Variants in SYNE1 observed in about 807,000 individuals in gnomAD.
SYNE1 encodes the protein spectrin repeat containing nuclear envelope protein 1.
In SYNE1, 616 loss-of-function variants were observed where a neutral mutation model predicts 1,111.0. That is an observed-to-expected ratio of 0.55 (90% CI 0.52 to 0.59). SYNE1 has a LOEUF of 0.59. SYNE1 is among the 20% of genes least tolerant of loss of function. SYNE1 has a pLI of 0.00. For synonymous variants in SYNE1, 3,855 were observed against 3,825.8 expected, an observed-to-expected ratio of 1.01 and a Z score of -0.28; for missense variants, 10,006 against 10,417.0, an observed-to-expected ratio of 0.96 and a Z score of 1.72.
chr6:152,235,422 C>T (rs962951055), intron 110 of SYNE1, among the ~76,000 whole-genome samples: 1 of 152,130 alleles, frequency 6.6e-6, no homozygotes, highest in Non-Finnish European at 1.5e-5. Context: ...AGTGCAATGG[C>T]GCAATCTTGG....
chr6:152,225,572 AAAGAG>A, intron 116 of SYNE1, 144 bp downstream of exon 116: 1 of 937,106 alleles, frequency 1.1e-6, no homozygotes, highest in Non-Finnish European at 1.6e-6. Flanking sequence ...TAAAAAAAAA[AAAGAG>A]GATAACGAAG....
intron 59 of SYNE1, 139 bp from the exon 60 acceptor site, chr6:152,369,753 T>A (rs2097145765): frequency 2.0e-6 from 2 of 978,044 alleles, no homozygotes; most frequent in African/African-American, 1.6e-5. Context: ...GTGGCCGAGG[T>A]GAGCAGATAG....
rs531299794 is a variant in SYNE1 at position 152,340,852 on chromosome 6, G to A, written c.12226-1486C>T. On this transcript the variant is annotated intron_variant, in intron 74 of 145. Coordinates refer to ENST00000367255, the MANE Select transcript of SYNE1 (RefSeq NM_182961.4). ...AGGCAGCTATGGTGTCCAGGTGTTAGGCTACTGCAGGGATCAGATGAACCA... is the reference window on the plus strand; with the variant it reads ...AGGCAGCTATGGTGTCCAGGTGTTAAGCTACTGCAGGGATCAGATGAACCA... Among the ~76,000 whole-genome samples, 3 of 152,314 alleles carry A rather than the reference G, an allele frequency of 2.0e-5. No individual in the cohort carries two copies. In the South Asian group the frequency reaches 6.2e-4, roughly 32 times the overall value.
At chr6:152,180,111 A>G (rs1390754942) in intron 129 of SYNE1, 25 bp downstream of exon 129, 2 of 1,613,524 alleles carry the variant, frequency 1.2e-6, no homozygotes, top group Admixed American at 3.3e-5. Flanking sequence ...AAGAATGAAA[A>G]CCTAAGTAGC....
intron 3 of SYNE1, among the ~76,000 whole-genome samples, chr6:152,625,057 T>C (rs1461541573): frequency 6.6e-6 from 1 of 152,166 alleles, no homozygotes; most frequent in Non-Finnish European, 1.5e-5. Context: ...GAAAAAGGAT[T>C]CTAGGAGAAT....
At chr6:152,465,007 T>A in intron 18 of SYNE1, 1 of 523,116 alleles carries the variant, frequency 1.9e-6, no homozygotes, top group Non-Finnish European at 3.5e-6. Context: ...CTCCCCTTCA[T>A]AGACAGACTT....
At chr6:152,449,125 A>G (rs2154248034) in intron 28 of SYNE1, among the ~76,000 whole-genome samples, 1 of 152,328 alleles carries the variant, frequency 6.6e-6, no homozygotes, top group East Asian at 1.9e-4. Flanking sequence ...TGTCACATAG[A>G]AAGGATGCCT....
chr6:152,462,639 G>A, intron 20 of SYNE1, 99 bp downstream of exon 20: 1 of 1,432,974 alleles, frequency 7.0e-7, no homozygotes, highest in Non-Finnish European at 9.8e-7. Flanking sequence ...ATGATGCCCA[G>A]GAGACACAGA....
intron 99 of SYNE1, among the ~76,000 whole-genome samples, chr6:152,268,576 T>C (rs1305926303): frequency 2.0e-5 from 3 of 152,202 alleles, no homozygotes; most frequent in Non-Finnish European, 4.4e-5. Context: ...AGATTTGGCT[T>C]TAATTCTTCA....
intron 20 of SYNE1, among the ~76,000 whole-genome samples, 153 bp from the exon 21 acceptor site, chr6:152,461,893 A>G (rs2098736267): frequency 6.6e-6 from 1 of 152,130 alleles, no homozygotes; most frequent in Admixed American, 6.5e-5. Context: ...GCTTCCCTTC[A>G]TTACTAATAA....
intron 3 of SYNE1, among the ~76,000 whole-genome samples, chr6:152,555,364 G>C (rs1486987344): frequency 6.6e-6 from 1 of 152,016 alleles, no homozygotes; most frequent in Non-Finnish European, 1.5e-5. Context: ...GATATGTTTA[G>C]ACACACAAAT....
At chr6:152,377,671 A>ATCTC (rs1554582494) in intron 56 of SYNE1, among the ~76,000 whole-genome samples, 1 of 130,574 alleles carries the variant, frequency 7.7e-6, no homozygotes, top group African/African-American at 2.9e-5. Context: ...ATATATATAT[A>ATCTC]TCTCCAAAAT....
At chr6:152,135,263 T>C in intron 141 of SYNE1, 31 bp from the exon 142 acceptor site, 1 of 1,605,740 alleles carries the variant, frequency 6.2e-7, no homozygotes, top group Non-Finnish European at 8.5e-7. Context: ...TAACTGTAAA[T>C]AAAATATTTT....
At chr6:152,377,644 T>A (rs1382927784) in intron 56 of SYNE1, among the ~76,000 whole-genome samples, 216 of 71,636 alleles carry the variant, frequency 3.0e-3, no homozygotes, top group Non-Finnish European at 4.1e-3. Context: ...AAAAAAAATA[T>A]ATATATATAT....
intron 95 of SYNE1, among the ~76,000 whole-genome samples, chr6:152,287,817 G>T (rs946909051): frequency 1.3e-5 from 2 of 152,158 alleles, no homozygotes; most frequent in African/African-American, 4.8e-5. Context: ...AAAGTGCTGG[G>T]ATTACAGGCA....
intron 65 of SYNE1, among the ~76,000 whole-genome samples, chr6:152,358,893 T>C (rs1164462288): frequency 6.6e-6 from 1 of 152,210 alleles, no homozygotes; most frequent in African/African-American, 2.4e-5. Flanking sequence ...TTGGACGTAC[T>C]GTGGATTAAA....
chr6:152,170,133 T>C (rs1489550729), intron 130 of SYNE1, among the ~76,000 whole-genome samples: 1 of 152,188 alleles, frequency 6.6e-6, no homozygotes, highest in Non-Finnish European at 1.5e-5. Context: ...GTTAAAAAAT[T>C]TGAAATTTTT....
intron 127 of SYNE1, among the ~76,000 whole-genome samples, chr6:152,190,885 T>C (rs2072075196): frequency 6.6e-6 from 1 of 152,262 alleles, no homozygotes; most frequent in Non-Finnish European, 1.5e-5. Context: ...CAGTTTTTCC[T>C]TATTCAGTAT....
At chr6:152,268,029 A>G in intron 100 of SYNE1, 27 bp downstream of exon 100, 2 of 1,561,946 alleles carry the variant, frequency 1.3e-6, no homozygotes, top group East Asian at 2.2e-5. Context: ...CACAATGAAG[A>G]GAAAATGGAA....
Sources: allele counts gnomAD v4.1 joint callset (sites outside exome capture counted in the v4.1 genomes callset), GRCh38; gene constraint gnomAD v4.1.1; transcripts MANE v1.5; gene names NCBI Gene and HGNC (gene_info 2026-07-23, HGNC 2026-07-21).